TACC2: variants seen among roughly 807,000 people sequenced by gnomAD.
TACC2 encodes transforming acidic coiled-coil-containing protein 2.
TACC2 carries 137 observed loss-of-function variants against 227.3 expected under a neutral mutation model. That is an observed-to-expected ratio of 0.60 (90% CI 0.52 to 0.69). The LOEUF is 0.69. Among genes scored for constraint, TACC2 ranks in the 30% least tolerant of loss-of-function variants. The pLI is 0.00. For synonymous variants in TACC2, 1,523 were observed against 1,487.5 expected (o/e 1.02, Z -0.55); for missense variants, 3,470 against 3,694.4 (o/e 0.94, Z 1.57).
intron 1 of TACC2, among the ~76,000 whole-genome samples, chr10:122,005,084 A>C (rs1230912975): frequency 1.3e-5 from 2 of 151,438 alleles, no homozygotes; most frequent in Non-Finnish European, 2.9e-5. Flanking sequence ...ACTGTATTTT[A>C]TTTTATTTTT....
At chr10:122,108,191 A>G (rs2083113573) in intron 5 of TACC2, among the ~76,000 whole-genome samples, 1 of 151,754 alleles carries the variant, frequency 6.6e-6, no homozygotes, top group Admixed American at 6.6e-5. Context: ...GTGCCCGGCC[A>G]ATTATATAAT....
chr10:122,084,414 G>T lies in TACC2; in HGVS notation c.1914G>T (p.Lys638Asn). 1 of 1,612,916 alleles carries T rather than the reference G, an allele frequency of 6.2e-7. No individual in the cohort carries two copies. Among genetic ancestry groups the T allele is most frequent in the Non-Finnish European group, 8.5e-7 (1 of 1,180,010 alleles). The stretch of plus-strand genomic sequence containing the variant: ...CACACTCAGCACAGCCACCCAGAAA[G>T]GGGGGTGCTGGGCACACGGACGGGC... Reference protein sequence around the residue: ...PSSHSAQPPRKGGAGHTDGPH... With the variant: ...PSSHSAQPPRNGGAGHTDGPH... The change falls in exon 4 of 23, where the codon AAG becomes AAT. Residue 638 changes from lysine to asparagine, a missense_variant. Around this residue, in one of 10 missense-constraint regions of TACC2, gnomAD observed 1,924 missense variants for 1,978.3 expected, o/e 0.97. Coordinates refer to ENST00000369005, the MANE Select transcript of TACC2 (RefSeq NM_206862.4).
chr10:122,155,903 T>C (rs1490380908), intron 7 of TACC2, among the ~76,000 whole-genome samples: 1 of 135,016 alleles, frequency 7.4e-6, no homozygotes, highest in Non-Finnish European at 1.5e-5. Context: ...AGTGGCGCAA[T>C]CTTGGCTCAC....
chr10:121,991,761 C>T (rs1235620051), intron 1 of TACC2, among the ~76,000 whole-genome samples: 2 of 152,178 alleles, frequency 1.3e-5, no homozygotes, highest in Non-Finnish European at 2.9e-5. Context: ...ATCTCAAAGC[C>T]ATTTGCATTA....
At position 122,227,881 on chromosome 10, in the gene TACC2, A is replaced by G. The variant is rs1233166862; in HGVS notation, c.7769A>G (p.Lys2590Arg). Reference protein sequence around the residue: ...ETEALVNTAAKNQHPVPRGLA... With the variant: ...ETEALVNTAARNQHPVPRGLA... ...GAAGCCCTTGTGAACACTGCTGCGA[A>G]AAACCAGCATCCTGTCCCACGAGGA... Residue 2590 changes from lysine to arginine, a missense_variant, in exon 14 of 23, where the codon AAA becomes AGA. Physicochemically the swap from Lys to Arg is conservative, Grantham distance 26 (BLOSUM62 2). This residue lies in a region of TACC2 where 345 missense variants were observed against 354.4 expected (regional missense o/e 0.97). Coordinates refer to ENST00000369005, the MANE Select transcript of TACC2 (RefSeq NM_206862.4). 6.2e-7 allele frequency: 1 copy of G among 1,614,108 alleles called. No individual in the cohort carries two copies. The highest frequency in any genetic ancestry group is 1.3e-5 in the African/African-American group (1 of 74,952).
Position 122,194,933 on chromosome 10 carries a change from C to T in TACC2, c.5835-107C>T. The T allele has an allele frequency of 8.5e-7, 1 of 1,172,066 alleles. No homozygotes were observed. Among genetic ancestry groups the T allele is most frequent in the African/African-American group, 1.5e-5 (1 of 65,012 alleles). The allele number at this position is 1,172,066 out of a possible 1,614,324, so 72.6% of individuals were successfully genotyped here. A position where few individuals can be genotyped will look rare whatever the true frequency, so the allele number is the denominator to read the frequency against. On this transcript the variant is annotated intron_variant, in intron 7 of 22. Transcript: ENST00000369005. The surrounding 1 kb of genome is among the most constrained non-coding windows in gnomAD (Gnocchi z 4.4). ...TCTCATCTGTCCCTGCACAGTTTAACTGAGCAGCGAGCCAGAACCCACTGG... is the reference window on the plus strand; with the variant it reads ...TCTCATCTGTCCCTGCACAGTTTAATTGAGCAGCGAGCCAGAACCCACTGG...
At chr10:122,014,145 G>A (rs971954510) in intron 1 of TACC2, among the ~76,000 whole-genome samples, 1 of 152,010 alleles carries the variant, frequency 6.6e-6, no homozygotes. Flanking sequence ...TACTAACAGA[G>A]AAGTATAGGG....
At chr10:122,028,924 T>C in intron 2 of TACC2, among the ~76,000 whole-genome samples, 2 of 26,554 alleles carry the variant, frequency 7.5e-5, no homozygotes, top group African/African-American at 3.4e-4. Flanking sequence ...TTCCCTTCCC[T>C]TCCCTCCCCT....
chr10:122,136,541 G>GTATATATATATA, intron 6 of TACC2, among the ~76,000 whole-genome samples: 1 of 73,010 alleles, frequency 1.4e-5, no homozygotes, highest in African/African-American at 3.5e-5. Flanking sequence ...GTTTGTGTGT[G>GTATATATATATA]TGTGTATATA....
intron 3 of TACC2, among the ~76,000 whole-genome samples, chr10:122,072,145 A>AT (rs1315560161): frequency 6.6e-6 from 1 of 151,558 alleles, no homozygotes; most frequent in Non-Finnish European, 1.5e-5. Flanking sequence ...TGCCCGGCTA[A>AT]TTTTTGTATT....
chr10:122,038,738 A>G (rs1464313973), intron 2 of TACC2, among the ~76,000 whole-genome samples: 1 of 152,204 alleles, frequency 6.6e-6, no homozygotes, highest in Non-Finnish European at 1.5e-5. Flanking sequence ...GGTCAAGGTT[A>G]TAAGGTTATA....
At chr10:122,041,777 G>A (rs1294970888) in intron 2 of TACC2, among the ~76,000 whole-genome samples, 1 of 152,186 alleles carries the variant, frequency 6.6e-6, no homozygotes, top group African/African-American at 2.4e-5. Flanking sequence ...ACTGTCACCT[G>A]TCTGCTCCCA....
rs920148419 is a variant in TACC2 at position 122,205,041 on chromosome 10, C to T, written c.5972-5356C>T. ...TATGGCTCTGTCACTTAGATGCTCA[C>T]GAGGCGGACTCTGCTGGGAACAATT... is the stretch of plus-strand genomic sequence containing the variant. On this transcript the variant is annotated intron_variant, in intron 8 of 22. Transcript: ENST00000369005. The surrounding 1 kb of genome is among the most constrained non-coding windows in gnomAD (Gnocchi z 4.5). 3.9e-5 allele frequency among the ~76,000 whole-genome samples: 6 copies of T among 152,160 alleles called. No homozygotes were observed. Among genetic ancestry groups the T allele is most frequent in the Non-Finnish European group, 8.8e-5 (6 of 68,034 alleles).
At chr10:122,028,585 G>A (rs1480768677) in intron 2 of TACC2, among the ~76,000 whole-genome samples, 1 of 151,442 alleles carries the variant, frequency 6.6e-6, no homozygotes, top group Non-Finnish European at 1.5e-5. Context: ...TGACCTTGCT[G>A]AACTCACTTA....
chr10:122,072,740 T>C lies in TACC2; in HGVS notation c.147-9907T>C, dbSNP rs116498866. Among the ~76,000 whole-genome samples, 540 of 152,296 alleles carry C rather than the reference T, an allele frequency of 3.5e-3. 4 individuals carry two copies. The highest frequency in any genetic ancestry group is 0.012 in the African/African-American group (513 of 41,560). On this transcript the variant is annotated intron_variant, in intron 3 of 22. Transcript: ENST00000369005. ...GTACAACTGTCAGTTTAAAAATATG[T>C]ATTTCTTCACTTATTTATGTATGCC... is the stretch of plus-strand genomic sequence containing the variant.
intron 6 of TACC2, among the ~76,000 whole-genome samples, chr10:122,134,904 G>T (rs1338983183): frequency 1.3e-5 from 2 of 152,224 alleles, no homozygotes; most frequent in African/African-American, 4.8e-5. Context: ...GCCTGAGACT[G>T]CATGTTTTAA....
At chr10:122,241,729 G>T (rs1020379916) in intron 18 of TACC2, 1 of 583,736 alleles carries the variant, frequency 1.7e-6, no homozygotes, top group African/African-American at 1.9e-5. Context: ...TACCTGGTTT[G>T]ATTTTTTTTC....
chr10:122,201,339 AAG>A (rs1461209343), intron 8 of TACC2, among the ~76,000 whole-genome samples: 5 of 145,566 alleles, frequency 3.4e-5, no homozygotes, highest in African/African-American at 1.2e-4. Flanking sequence ...TCACATGGGG[AAG>A]ACAGCCACCT....
chr10:122,008,264 A>ATTAT, intron 1 of TACC2, among the ~76,000 whole-genome samples: 4 of 134,662 alleles, frequency 3.0e-5, no homozygotes, highest in East Asian at 2.1e-4. Flanking sequence ...TATTATTATT[A>ATTAT]TTTTTTTTTT....
Sources: gnomAD v4.1 joint callset for allele counts (sites outside exome capture counted in the v4.1 genomes callset) on GRCh38, gnomAD v4.1.1 for gene constraint, gnomAD v4.1.1 regional missense constraint, Gnocchi (gnomAD v3.1) non-coding constraint, MANE v1.5 for transcripts, NCBI Gene and HGNC (gene_info 2026-07-23, HGNC 2026-07-21) for gene names.